The following NLRP8 variants were observed in gnomAD, a reference collection of about 807,000 sequenced individuals.
The protein encoded by NLRP8 is NLR family pyrin domain containing 8.
Under a neutral mutation model 88.7 loss-of-function variants are expected in NLRP8, and 86 were observed. The ratio of observed to expected loss-of-function variants is 0.97; its 90% CI spans 0.81 to 1.16. NLRP8 has a LOEUF of 1.16. Among genes scored for constraint, NLRP8 ranks in the 50% most tolerant of loss-of-function variants. The pLI is 0.00. For synonymous variants in NLRP8, 504 were observed against 494.6 expected (o/e 1.02, Z -0.25); for missense variants, 1,342 against 1,286.5 (o/e 1.04, Z -0.66).
chr19:55,972,540 G>C (rs1049849500), intron 6 of NLRP8, among the ~76,000 whole-genome samples: 19 of 151,836 alleles, frequency 1.3e-4, no homozygotes, highest in African/African-American at 4.1e-4. Context: ...TCCGAGCAGT[G>C]TACACTGTAC....
chr19:55,987,147 T>A (rs1238805110), intron 9 of NLRP8, among the ~76,000 whole-genome samples: 1 of 152,154 alleles, frequency 6.6e-6, no homozygotes, highest in Non-Finnish European at 1.5e-5. Flanking sequence ...GGCAGGTGGA[T>A]CATCTGAGGT....
At chr19:55,974,412 G>A (rs1212503535) in intron 7 of NLRP8, among the ~76,000 whole-genome samples, 1 of 152,074 alleles carries the variant, frequency 6.6e-6, no homozygotes, top group Non-Finnish European at 1.5e-5. Context: ...TATCCCCTGA[G>A]TCTGCTTTTA....
At chr19:55,957,644 C>T (rs1164750672) in intron 3 of NLRP8, among the ~76,000 whole-genome samples, 2 of 137,736 alleles carry the variant, frequency 1.5e-5, no homozygotes, top group Non-Finnish European at 3.0e-5. Flanking sequence ...CGAGATCGCG[C>T]CACTATCTTA....
intron 4 of NLRP8, among the ~76,000 whole-genome samples, chr19:55,962,984 T>C (rs1421283470): frequency 6.6e-6 from 1 of 152,106 alleles, no homozygotes; most frequent in Non-Finnish European, 1.5e-5. Context: ...GGTTCACCGC[T>C]GCATTCCTTT....
intron 3 of NLRP8, among the ~76,000 whole-genome samples, chr19:55,956,795 T>C (rs1979376278): frequency 6.6e-6 from 1 of 152,044 alleles, no homozygotes; most frequent in Non-Finnish European, 1.5e-5. Context: ...GCTTCATCTA[T>C]CACTCCTACT....
At chr19:55,962,020 C>A (rs1408496153) in intron 3 of NLRP8, 47 bp from the exon 4 acceptor site, 3 of 1,590,808 alleles carry the variant, frequency 1.9e-6, no homozygotes, top group Non-Finnish European at 1.7e-6. Context: ...AGTAGATTTT[C>A]TCCAGTTTAA....
intron 2 of NLRP8, 73 bp from the exon 3 acceptor site, chr19:55,954,428 T>C: frequency 6.8e-7 from 1 of 1,461,392 alleles, no homozygotes; most frequent in East Asian, 2.3e-5. Flanking sequence ...AGACTGGTTT[T>C]CTTATTGCTC....
chr19:55,976,086 T>C (rs1980301765), intron 7 of NLRP8, 47 bp from the exon 8 acceptor site: 3 of 1,468,434 alleles, frequency 2.0e-6, no homozygotes, highest in Admixed American at 2.3e-5. Flanking sequence ...GTTGTTGTTT[T>C]GTTGTAGTTG....
intron 8 of NLRP8, among the ~76,000 whole-genome samples, chr19:55,979,152 A>T (rs1980467858): frequency 6.6e-6 from 1 of 152,238 alleles, no homozygotes; most frequent in Non-Finnish European, 1.5e-5. Flanking sequence ...AGTAGGTACA[A>T]GCCATTTTCG....
At chr19:55,969,778 A>T (rs1047888274) in intron 5 of NLRP8, among the ~76,000 whole-genome samples, 2 of 152,174 alleles carry the variant, frequency 1.3e-5, no homozygotes, top group Admixed American at 6.6e-5. Flanking sequence ...ACAGAGTTGA[A>T]TGTAGCTTGG....
In NLRP8 at chr19:55,955,721, A is replaced by G. The variant is rs140192808; in HGVS notation, c.1663A>G (p.Met555Val). The change falls in exon 3 of 10, where the codon ATG (methionine) becomes GTG (valine). Residue 555 changes from methionine (M) to valine (V), a missense_variant. Transcript: ENST00000291971. ...AGGAAGCAAAAGCTATCTCTCTCACATGGGACTTTTCTTATTCGGTTTTCT... is the reference window on the plus strand; with the variant it reads ...AGGAAGCAAAAGCTATCTCTCTCACGTGGGACTTTTCTTATTCGGTTTTCT... 5.6e-6 allele frequency: 9 copies of G among 1,614,050 alleles called. No homozygotes were observed. The highest frequency in any genetic ancestry group is 2.2e-5 in the East Asian group (1 of 44,878).
At chr19:55,977,288 A>G (rs1196249943) in intron 8 of NLRP8, among the ~76,000 whole-genome samples, 2 of 145,928 alleles carry the variant, frequency 1.4e-5, no homozygotes, top group Non-Finnish European at 3.0e-5. Flanking sequence ...AGACACATAT[A>G]TACTTATTTT....
In NLRP8 at chr19:55,960,800, C is replaced by T. The variant is rs566490979; in HGVS notation, c.2043-1267C>T. On this transcript the variant is annotated intron_variant, in intron 3 of 9. Transcript: ENST00000291971. ...TGTGTCTTGGCAATGTCTATACATG[C>T]CATTTTCAATGAAGTATTCTTTGAA... is the stretch of plus-strand genomic sequence containing the variant. 3.2e-4 allele frequency among the ~76,000 whole-genome samples: 49 copies of T among 151,938 alleles called. No individual in the cohort carries two copies. In the South Asian group the frequency reaches 7.3e-3, roughly 23 times the overall value.
In NLRP8 at chr19:55,962,183, T is replaced by C; in HGVS notation, c.2159T>C (p.Leu720Ser). The C allele has an allele frequency of 6.2e-7, 1 of 1,614,192 alleles. No individual in the cohort carries two copies. The stretch of plus-strand genomic sequence containing the variant: ...AACAGTGTTTTGGGGCCTCCTTTTT[T>C]GAAGGCTCTCGCGGCCGCACTGAGG... Residue 720 changes from leucine (L) to serine (S), a missense_variant, in exon 4 of 10, where the codon TTG (leucine) becomes TCG (serine). Physicochemically the swap from Leu to Ser is moderately radical, Grantham distance 145. Transcript: ENST00000291971.
chr19:55,978,745 G>C (rs1463762633), intron 8 of NLRP8, among the ~76,000 whole-genome samples: 2 of 152,082 alleles, frequency 1.3e-5, no homozygotes, highest in Non-Finnish European at 2.9e-5. Context: ...TGTGTGGGAG[G>C]GCAAAGTGAC....
chr19:55,969,849 T>C (rs1285621857), intron 5 of NLRP8, among the ~76,000 whole-genome samples: 1 of 152,204 alleles, frequency 6.6e-6, no homozygotes, highest in Non-Finnish European at 1.5e-5. Context: ...GGCTGGAACC[T>C]GGAGGTGGTA....
intron 5 of NLRP8, among the ~76,000 whole-genome samples, chr19:55,969,160 A>G (rs899715427): frequency 1.3e-5 from 2 of 152,166 alleles, no homozygotes; most frequent in African/African-American, 2.4e-5. Flanking sequence ...GGTTACATGG[A>G]TAAATTCTTT....
intron 9 of NLRP8, among the ~76,000 whole-genome samples, chr19:55,986,493 C>CAT (rs1568472074): frequency 1.1e-5 from 1 of 89,638 alleles, no homozygotes; most frequent in African/African-American, 4.0e-5. Flanking sequence ...CACACACACA[C>CAT]ACACACACAC....
chr19:55,962,625 A>C (rs1048894781), intron 4 of NLRP8, among the ~76,000 whole-genome samples: 3 of 152,040 alleles, frequency 2.0e-5, no homozygotes, highest in Non-Finnish European at 2.9e-5. Context: ...GCTGTGGCTC[A>C]CGCCTATTTA....
Sources: gnomAD v4.1 joint callset for allele counts (sites outside exome capture counted in the v4.1 genomes callset) on GRCh38, gnomAD v4.1.1 for gene constraint, MANE v1.5 for transcripts, NCBI Gene and HGNC (gene_info 2026-07-23, HGNC 2026-07-21) for gene names.